Variants in MYO5B observed in about 807,000 individuals in gnomAD.
MYO5B encodes the protein unconventional myosin-Vb.
MYO5B carries 143 observed loss-of-function variants against 229.3 expected under a neutral mutation model. The ratio of observed to expected loss-of-function variants is 0.62; its 90% CI spans 0.54 to 0.72. MYO5B has a LOEUF of 0.72. MYO5B is among the 30% of genes least tolerant of loss of function. MYO5B has a pLI of 0.00. For missense variants in MYO5B, 2,321 were observed against 2,331.0 expected (o/e 1.00, Z 0.09); for synonymous variants, 918 against 885.2 (o/e 1.04, Z -0.66).
chr18:49,868,369 C>T (rs999120121), intron 27 of MYO5B, among the ~76,000 whole-genome samples: 3 of 152,148 alleles, frequency 2.0e-5, no homozygotes, highest in African/African-American at 7.2e-5. Flanking sequence ...TTCTGATGCA[C>T]GTTCAACATT....
At chr18:49,862,809 G>C (rs910895423) in intron 29 of MYO5B, among the ~76,000 whole-genome samples, 5 of 152,250 alleles carry the variant, frequency 3.3e-5, no homozygotes, top group African/African-American at 1.2e-4. Flanking sequence ...ACAGAGGGTG[G>C]GCCCCCACTG....
At chr18:49,894,154 A>G (rs1441178673) in intron 22 of MYO5B, among the ~76,000 whole-genome samples, 1 of 151,948 alleles carries the variant, frequency 6.6e-6, no homozygotes, top group East Asian at 1.9e-4. Flanking sequence ...TGAAGTTGTT[A>G]CTCCAACACC....
At chr18:50,122,976 C>A (rs769981519) in intron 1 of MYO5B, among the ~76,000 whole-genome samples, 30 of 152,166 alleles carry the variant, frequency 2.0e-4, no homozygotes, top group Non-Finnish European at 1.3e-4. Context: ...TGCTATATAC[C>A]CAAAATAACT....
At chr18:49,860,023 C>T (rs975587232) in intron 29 of MYO5B, among the ~76,000 whole-genome samples, 3 of 152,164 alleles carry the variant, frequency 2.0e-5, no homozygotes, top group South Asian at 2.1e-4. Flanking sequence ...CAGGTGCGCC[C>T]GACCAAGCCC....
intron 16 of MYO5B, among the ~76,000 whole-genome samples, chr18:49,932,771 TC>T (rs1156378455): frequency 2.0e-5 from 3 of 152,240 alleles, no homozygotes; most frequent in African/African-American, 7.2e-5. Context: ...TGTTCACATA[TC>T]CCAAGGGGAT....
At chr18:50,134,204 C>G (rs1051964120) in intron 1 of MYO5B, among the ~76,000 whole-genome samples, 2 of 151,988 alleles carry the variant, frequency 1.3e-5, no homozygotes, top group Admixed American at 1.3e-4. Flanking sequence ...GTTGTTCAAA[C>G]TTCAAAGGGA....
rs773988902 is a variant in MYO5B, at chr18:50,040,134, C to T, written c.310+9G>A. Reference sequence around the variant, plus strand: ...CAACGCATGCAGCCAACAGATGCCCCCCACTTACCACAGTAAGTGTAGATA... The same window carrying T: ...CAACGCATGCAGCCAACAGATGCCCTCCACTTACCACAGTAAGTGTAGATA... On this transcript the variant is annotated intron_variant, in intron 3 of 39. Transcript: ENST00000285039. The T allele has an allele frequency of 1.1e-4, 170 of 1,613,616 alleles. 1 individual carries two copies. Among genetic ancestry groups the T allele is most frequent in the Non-Finnish European group, 1.4e-4 (167 of 1,179,698 alleles).
intron 31 of MYO5B, among the ~76,000 whole-genome samples, chr18:49,851,448 C>G (rs2024199936): frequency 6.6e-6 from 1 of 152,188 alleles, no homozygotes; most frequent in African/African-American, 2.4e-5. Flanking sequence ...ATCTTTAAAG[C>G]TTGAAATCAA....
chr18:50,014,250 A>C (rs2026192347), intron 4 of MYO5B, among the ~76,000 whole-genome samples: 1 of 145,430 alleles, frequency 6.9e-6, no homozygotes. Flanking sequence ...AAAAAGTCCC[A>C]AAATTATGGA....
chr18:49,984,670 G>A (rs773101954), intron 8 of MYO5B, 48 bp downstream of exon 8: 58 of 1,415,334 alleles, frequency 4.1e-5, no homozygotes, highest in South Asian at 6.9e-5. Context: ...TCTACCCTCC[G>A]TGCCATCAGC....
chr18:50,083,743 A>G (rs1435140256), intron 1 of MYO5B, among the ~76,000 whole-genome samples: 1 of 152,164 alleles, frequency 6.6e-6, no homozygotes, highest in Non-Finnish European at 1.5e-5. Context: ...AAGGTGGATC[A>G]CCAAGGCCAC....
intron 1 of MYO5B, among the ~76,000 whole-genome samples, chr18:50,168,252 C>T (rs1171310446): frequency 6.6e-6 from 1 of 152,204 alleles, no homozygotes; most frequent in Non-Finnish European, 1.5e-5. Context: ...ACAGCAAGGC[C>T]TTCAACCTCA....
intron 1 of MYO5B, among the ~76,000 whole-genome samples, chr18:50,109,670 C>T (rs938803877): frequency 6.6e-6 from 1 of 152,160 alleles, no homozygotes; most frequent in Non-Finnish European, 1.5e-5. Flanking sequence ...TTGTGATCCA[C>T]CTGCCTCAGC....
intron 17 of MYO5B, among the ~76,000 whole-genome samples, chr18:49,916,366 T>C (rs2025014077): frequency 6.6e-6 from 1 of 152,170 alleles, no homozygotes; most frequent in Non-Finnish European, 1.5e-5. Flanking sequence ...CGGCCGGCAG[T>C]GCGACTGGGG....
At chr18:50,128,117 G>C (rs1346605247) in intron 1 of MYO5B, among the ~76,000 whole-genome samples, 1 of 152,192 alleles carries the variant, frequency 6.6e-6, no homozygotes, top group Non-Finnish European at 1.5e-5. Context: ...CTCTGTAATT[G>C]TGTGAGTAAT....
intron 1 of MYO5B, among the ~76,000 whole-genome samples, chr18:50,108,341 T>C (rs1431838889): frequency 6.6e-6 from 1 of 152,238 alleles, no homozygotes; most frequent in Non-Finnish European, 1.5e-5. Context: ...ATAGTTTGAG[T>C]CTTCTGCTCT....
intron 1 of MYO5B, among the ~76,000 whole-genome samples, chr18:50,192,276 T>C (rs2033239113): frequency 1.3e-5 from 2 of 152,218 alleles, no homozygotes; most frequent in South Asian, 2.1e-4. Context: ...GAGCTTTCGA[T>C]GGAAATTCTA....
At chr18:49,930,916 A>G (rs1209664081) in intron 16 of MYO5B, among the ~76,000 whole-genome samples, 1 of 151,792 alleles carries the variant, frequency 6.6e-6, no homozygotes, top group Non-Finnish European at 1.5e-5. Context: ...GTAAGAAAAA[A>G]AAAAGAAGGC....
At chr18:49,948,304 C>G (rs1371045050) in intron 14 of MYO5B, among the ~76,000 whole-genome samples, 1 of 152,122 alleles carries the variant, frequency 6.6e-6, no homozygotes, top group Non-Finnish European at 1.5e-5. Context: ...ATTCTTTTTA[C>G]ATGACTAATG....
Sources: allele counts gnomAD v4.1 joint callset (sites outside exome capture counted in the v4.1 genomes callset), GRCh38; gene constraint gnomAD v4.1.1; transcripts MANE v1.5; gene names NCBI Gene and HGNC (gene_info 2026-07-23, HGNC 2026-07-21).